Variants in MEI4 observed in about 807,000 individuals in gnomAD.
MEI4 encodes the protein meiotic double-stranded break formation protein 4.
MEI4 carries 27 observed loss-of-function variants against 31.4 expected under a neutral mutation model. The ratio of observed to expected loss-of-function variants is 0.86; its 90% CI spans 0.63 to 1.19. The LOEUF (loss-of-function observed/expected upper bound fraction) is 1.19, where lower values mean the gene tolerates loss of function less well. Among genes scored for constraint, MEI4 ranks in the 50% most tolerant of loss-of-function variants. The pLI, the probability that MEI4 is intolerant of heterozygous loss-of-function variation, is 0.00. For synonymous variants in MEI4, 122 were observed against 145.4 expected, an observed-to-expected ratio of 0.84 and a Z score of 1.16; for missense variants, 329 against 398.9, an observed-to-expected ratio of 0.82 and a Z score of 1.49.
At chr6:77,756,629 C>T (rs1343357432) in intron 2 of MEI4, among the ~76,000 whole-genome samples, 1 of 148,026 alleles carries the variant, frequency 6.8e-6, no homozygotes, top group Non-Finnish European at 1.5e-5. Context: ...CTCTCCCTCT[C>T]TCTCTCTCTC....
At chr6:77,900,162 C>T (rs1344827441) in intron 4 of MEI4, among the ~76,000 whole-genome samples, 1 of 151,920 alleles carries the variant, frequency 6.6e-6, no homozygotes, top group Non-Finnish European at 1.5e-5. Flanking sequence ...GGCAAGGATG[C>T]AGAGTAAAGG....
chr6:77,781,019 C>T (rs759212597), intron 3 of MEI4, among the ~76,000 whole-genome samples: 9 of 151,924 alleles, frequency 5.9e-5, no homozygotes, highest in African/African-American at 1.7e-4. Flanking sequence ...CTCTAGTAGC[C>T]GAGACTGCAT....
At chr6:77,858,994 G>A (rs1770804491) in intron 4 of MEI4, among the ~76,000 whole-genome samples, 1 of 151,322 alleles carries the variant, frequency 6.6e-6, no homozygotes, top group Non-Finnish European at 1.5e-5. Flanking sequence ...GCTGCACCTA[G>A]TGACCTCTCC....
chr6:77,798,214 CAAAAAAGG>C (rs1769134667), intron 3 of MEI4, among the ~76,000 whole-genome samples: 1 of 149,204 alleles, frequency 6.7e-6, no homozygotes, highest in African/African-American at 2.5e-5. Flanking sequence ...ACATTTGATG[CAAAAAAGG>C]TAGTAAAGAA....
intron 3 of MEI4, among the ~76,000 whole-genome samples, chr6:77,816,741 T>G (rs931687008): frequency 6.6e-6 from 1 of 152,170 alleles, no homozygotes; most frequent in Non-Finnish European, 1.5e-5. Context: ...GGAAAACCCA[T>G]TGTTGAACAT....
At chr6:77,909,786 GA>G (rs565408641) in intron 4 of MEI4, among the ~76,000 whole-genome samples, 150 of 152,256 alleles carry the variant, frequency 9.9e-4, no homozygotes, top group Non-Finnish European at 1.6e-3. Context: ...TATCCCTGAT[GA>G]ACATCCATGC....
chr6:77,772,683 A>G (rs1263858021), intron 3 of MEI4, among the ~76,000 whole-genome samples: 4 of 152,056 alleles, frequency 2.6e-5, no homozygotes, highest in Non-Finnish European at 5.9e-5. Context: ...ATGCACTTCA[A>G]CATAGTATTG....
intron 3 of MEI4, among the ~76,000 whole-genome samples, chr6:77,766,588 G>A (rs796283658): frequency 2.0e-4 from 31 of 152,060 alleles, no homozygotes; most frequent in African/African-American, 7.0e-4. Flanking sequence ...TAATTTTTTT[G>A]TATTTTTAGT....
chr6:77,909,204 C>G (rs1057279141), intron 4 of MEI4, among the ~76,000 whole-genome samples: 3 of 151,968 alleles, frequency 2.0e-5, no homozygotes, highest in Admixed American at 6.6e-5. Context: ...GAAACTCACT[C>G]AAAACCGCTC....
intron 4 of MEI4, among the ~76,000 whole-genome samples, chr6:77,861,226 G>A (rs1770858365): frequency 6.6e-6 from 1 of 152,158 alleles, no homozygotes; most frequent in Non-Finnish European, 1.5e-5. Context: ...GGAATTATAG[G>A]TTGGTACAAA....
In MEI4 at chr6:77,656,342, TA is replaced by T. The variant is rs796606512; in HGVS notation, c.-15+3258del. On this transcript the variant is annotated intron_variant, in intron 1 of 4. Coordinates refer to ENST00000684080, the MANE Select transcript of MEI4 (RefSeq NM_001322247.2). Reference sequence around the variant, plus strand: ...CATGAATGTCTGTCTCTTGCAAGATTAAAAAAAACAAAACAGGGCATATTTT... The same window carrying T: ...CATGAATGTCTGTCTCTTGCAAGATTAAAAAAACAAAACAGGGCATATTTT... Among the ~76,000 whole-genome samples the T allele has an allele frequency of 6.5e-4, 99 of 151,936 alleles. 1 individual carries two copies. The highest frequency in any genetic ancestry group is 2.2e-3 in the African/African-American group (90 of 41,480).
intron 4 of MEI4, among the ~76,000 whole-genome samples, chr6:77,920,502 A>G (rs1006259813): frequency 2.0e-5 from 3 of 151,944 alleles, no homozygotes; most frequent in Non-Finnish European, 4.4e-5. Context: ...CATCAAAGTC[A>G]TTCAATAATT....
intron 1 of MEI4, among the ~76,000 whole-genome samples, chr6:77,654,804 C>T (rs1035035374): frequency 1.3e-5 from 2 of 151,962 alleles, no homozygotes; most frequent in African/African-American, 4.8e-5. Flanking sequence ...ATCCTCTGTT[C>T]TTCAGACAGT....
intron 4 of MEI4, among the ~76,000 whole-genome samples, chr6:77,920,007 A>G (rs1037623626): frequency 1.4e-5 from 2 of 147,636 alleles, no homozygotes; most frequent in Non-Finnish European, 3.0e-5. Flanking sequence ...GCAATAATCA[A>G]TAGTTTACCA....
At chr6:77,767,351 G>T (rs1244656828) in intron 3 of MEI4, among the ~76,000 whole-genome samples, 3 of 151,880 alleles carry the variant, frequency 2.0e-5, no homozygotes, top group East Asian at 3.9e-4. Flanking sequence ...CTGCACTCCA[G>T]CCTGGTGACT....
chr6:77,712,624 A>G (rs917114074), intron 2 of MEI4, among the ~76,000 whole-genome samples: 11 of 152,232 alleles, frequency 7.2e-5, no homozygotes, highest in Non-Finnish European at 1.3e-4. Flanking sequence ...ATCATCCAGT[A>G]GGTGCTCCGT....
intron 2 of MEI4, among the ~76,000 whole-genome samples, chr6:77,702,295 G>A (rs1745134872): frequency 6.6e-6 from 1 of 152,186 alleles, no homozygotes; most frequent in Non-Finnish European, 1.5e-5. Flanking sequence ...GCATTTATAA[G>A]TTGGGGCATT....
chr6:77,873,811 C>CT (rs1429389519), intron 4 of MEI4, among the ~76,000 whole-genome samples: 1 of 152,148 alleles, frequency 6.6e-6, no homozygotes, highest in Non-Finnish European at 1.5e-5. Context: ...CCAGTTTCAG[C>CT]TTTCTACATA....
intron 3 of MEI4, among the ~76,000 whole-genome samples, chr6:77,819,783 A>T (rs1449044840): frequency 6.6e-6 from 1 of 152,060 alleles, no homozygotes; most frequent in Non-Finnish European, 1.5e-5. Flanking sequence ...TGGATTTAGT[A>T]TGTCAGTTTT....
Sources: gnomAD v4.1 joint callset for allele counts (sites outside exome capture counted in the v4.1 genomes callset) on GRCh38, gnomAD v4.1.1 for gene constraint, MANE v1.5 for transcripts, NCBI Gene and HGNC (gene_info 2026-07-23, HGNC 2026-07-21) for gene names.